RAB38: variants seen among roughly 807,000 people sequenced by gnomAD.
RAB38 encodes the protein RAB38, member RAS oncogene family, also known as ras-related protein Rab-38.
A neutral mutation model predicts 18.4 loss-of-function variants in RAB38; 15 were observed. The ratio of observed to expected loss-of-function variants is 0.82; its 90% CI spans 0.55 to 1.26. RAB38 has a LOEUF of 1.26. Ranked by LOEUF, RAB38 falls within the 50% of genes most tolerant of loss-of-function variation. RAB38 has a pLI of 0.00. For missense variants in RAB38, 294 were observed against 267.4 expected (o/e 1.10, Z -0.69); for synonymous variants, 101 against 104.4 (o/e 0.97, Z 0.20).
the RAB38 span, among the ~76,000 whole-genome samples, chr11:87,923,547 C>CTGTG: frequency 6.5e-4 from 96 of 146,966 alleles, no homozygotes; most frequent in Admixed American, 1.2e-3. Context: ...TCAATTAATT[C>CTGTG]TGTGTGTGTG....
the RAB38 span, among the ~76,000 whole-genome samples, chr11:87,906,883 A>G: frequency 6.6e-6 from 1 of 151,964 alleles, no homozygotes; most frequent in African/African-American, 2.4e-5. Context: ...AATACAATTC[A>G]TCCTTTAATA....
intron 2 of RAB38, among the ~76,000 whole-genome samples, chr11:88,121,851 C>T (rs550746472): frequency 2.0e-5 from 3 of 151,706 alleles, no homozygotes; most frequent in East Asian, 2.0e-4. Context: ...CGTGAGCTGC[C>T]GCGCCGGCCC....
chr11:88,154,326 G>C (rs1300892950), intron 1 of RAB38, among the ~76,000 whole-genome samples: 1 of 152,162 alleles, frequency 6.6e-6, no homozygotes, highest in African/African-American at 2.4e-5. Context: ...CTGCATAGGA[G>C]CCTCCACAAC....
At chr11:87,910,568 C>T in the RAB38 span, among the ~76,000 whole-genome samples, 4 of 149,960 alleles carry the variant, frequency 2.7e-5, no homozygotes, top group East Asian at 2.0e-4. Flanking sequence ...CCTATGTTTA[C>T]GTCTAGAAGT....
chr11:87,975,281 G>A, the RAB38 span, among the ~76,000 whole-genome samples: 16 of 151,814 alleles, frequency 1.1e-4, no homozygotes, highest in Non-Finnish European at 2.4e-4. Flanking sequence ...GAGGTTCCAG[G>A]TCACATGAAT....
At chr11:88,036,448 C>G in the RAB38 span, among the ~76,000 whole-genome samples, 2 of 152,132 alleles carry the variant, frequency 1.3e-5, no homozygotes, top group Non-Finnish European at 1.5e-5. Flanking sequence ...AGCATTTGTC[C>G]TTGCCTTTTC....
the RAB38 span, among the ~76,000 whole-genome samples, chr11:87,908,404 T>A: frequency 6.6e-6 from 1 of 152,014 alleles, no homozygotes; most frequent in Admixed American, 6.6e-5. Flanking sequence ...TTAATGTGGG[T>A]GAACACTCCT....
Position 88,127,912 on chromosome 11 carries a change from G to A in RAB38, c.484-13772C>T, listed in dbSNP as rs540672708. Among the ~76,000 whole-genome samples the A allele has an allele frequency of 4.6e-5, 7 of 152,328 alleles. No homozygotes were observed. In the East Asian group the frequency reaches 1.3e-3, roughly 29 times the overall value. ...TCTCTAGATAACAAACTTCTTGAGA[G>A]CAGAAGTGACACACATTTGGAGTGT... On this transcript the variant is annotated intron_variant, in intron 2 of 2. Coordinates refer to ENST00000243662, the MANE Select transcript of RAB38 (RefSeq NM_022337.3).
At chr11:87,900,636 A>G in the RAB38 span, among the ~76,000 whole-genome samples, 1 of 150,144 alleles carries the variant, frequency 6.7e-6, no homozygotes. Flanking sequence ...TTATGTCCTC[A>G]GACCCTCTGT....
At chr11:87,958,256 G>A in the RAB38 span, among the ~76,000 whole-genome samples, 1 of 152,144 alleles carries the variant, frequency 6.6e-6, no homozygotes. Context: ...CATATAAGTA[G>A]GCTCGGCTAA....
At chr11:87,848,014 AT>A in the RAB38 span, among the ~76,000 whole-genome samples, 1 of 152,192 alleles carries the variant, frequency 6.6e-6, no homozygotes, top group Admixed American at 6.6e-5. Context: ...GTAGAGTTTT[AT>A]TCTATTAAAC....
At chr11:88,027,554 C>A in the RAB38 span, among the ~76,000 whole-genome samples, 5 of 152,332 alleles carry the variant, frequency 3.3e-5, no homozygotes, top group South Asian at 1.0e-3. Flanking sequence ...TAAAAAACGG[C>A]GCACCAGGAG....
chr11:87,845,672 A>G, the RAB38 span, among the ~76,000 whole-genome samples: 1 of 152,164 alleles, frequency 6.6e-6, no homozygotes, highest in Non-Finnish European at 1.5e-5. Flanking sequence ...TAAAAGTCTT[A>G]CATTTATAAA....
the RAB38 span, among the ~76,000 whole-genome samples, chr11:87,901,123 G>A: frequency 6.6e-6 from 1 of 151,502 alleles, no homozygotes; most frequent in Non-Finnish European, 1.5e-5. Flanking sequence ...CAATGGAAGT[G>A]ATGTTAAAAT....
At chr11:88,164,724 G>A (rs549215246) in intron 1 of RAB38, among the ~76,000 whole-genome samples, 1 of 151,898 alleles carries the variant, frequency 6.6e-6, no homozygotes, top group African/African-American at 2.4e-5. Flanking sequence ...TTGGCCTAGA[G>A]GCACAATGAA....
At chr11:88,109,892 A>G (rs1228967023), downstream of RAB38, among the ~76,000 whole-genome samples, 1 of 152,214 alleles carries the variant, frequency 6.6e-6, no homozygotes, top group Non-Finnish European at 1.5e-5. Context: ...GGATGTGGAG[A>G]AATAGGAACA....
the RAB38 span, among the ~76,000 whole-genome samples, chr11:87,976,379 A>C: frequency 2.1e-5 from 3 of 140,684 alleles, no homozygotes; most frequent in East Asian, 6.2e-4. Flanking sequence ...ATACAAATAC[A>C]AATATTTATA....
intron 2 of RAB38, among the ~76,000 whole-genome samples, chr11:88,119,455 A>G (rs981462845): frequency 6.6e-6 from 1 of 152,238 alleles, no homozygotes; most frequent in Non-Finnish European, 1.5e-5. Context: ...GAATGTCTTT[A>G]AAGAGACTGT....
the RAB38 span, among the ~76,000 whole-genome samples, chr11:88,027,192 T>G: frequency 6.6e-6 from 1 of 152,156 alleles, no homozygotes; most frequent in Non-Finnish European, 1.5e-5. Context: ...ATATTAACTT[T>G]TGTCAAAGTT....
Sources: allele counts gnomAD v4.1 joint callset (sites outside exome capture counted in the v4.1 genomes callset), GRCh38; gene constraint gnomAD v4.1.1; transcripts MANE v1.5; gene names NCBI Gene and HGNC (gene_info 2026-07-23, HGNC 2026-07-21).